Variants in CLASP1 observed in about 807,000 individuals in gnomAD.
The protein encoded by CLASP1 is CLIP-associating protein 1.
Under a neutral mutation model 192.3 loss-of-function variants are expected in CLASP1, and 38 were observed. The observed-to-expected ratio is 0.20, with a 90% CI of 0.15 to 0.26. The LOEUF (loss-of-function observed/expected upper bound fraction) is 0.26, where lower values mean the gene tolerates loss of function less well. Among genes scored for constraint, CLASP1 ranks in the 10% least tolerant of loss-of-function variants. The pLI is 1.00. For missense variants in CLASP1, 1,433 were observed against 1,932.5 expected (o/e 0.74, Z 4.85); for synonymous variants, 691 against 712.8 (o/e 0.97, Z 0.49).
intron 1 of CLASP1, among the ~76,000 whole-genome samples, chr2:121,641,358 C>A (rs1462598485): frequency 6.6e-6 from 1 of 151,296 alleles, no homozygotes; most frequent in Non-Finnish European, 1.5e-5. Flanking sequence ...ACAGGTATCG[C>A]CCACACCCAC....
At chr2:121,483,544 A>G (rs2092767051) in intron 8 of CLASP1, among the ~76,000 whole-genome samples, 1 of 151,296 alleles carries the variant, frequency 6.6e-6, no homozygotes, top group Non-Finnish European at 1.5e-5. Flanking sequence ...ATGTATGTAT[A>G]TATGTGTGTG....
intron 7 of CLASP1, among the ~76,000 whole-genome samples, chr2:121,507,696 C>A (rs2093984926): frequency 1.3e-5 from 2 of 152,086 alleles, no homozygotes; most frequent in South Asian, 4.1e-4. Flanking sequence ...ACAGGATAAA[C>A]TTAAAGAGAT....
At chr2:121,399,616 CA>C (rs766332037) in intron 28 of CLASP1, among the ~76,000 whole-genome samples, 2 of 152,198 alleles carry the variant, frequency 1.3e-5, no homozygotes, top group Non-Finnish European at 2.9e-5. Context: ...TCAGCTTAAA[CA>C]GCTGTGCATC....
chr2:121,513,337 G>A lies in CLASP1; in HGVS notation c.644+2328C>T, dbSNP rs142671229. Among the ~76,000 whole-genome samples, 496 of 152,320 alleles carry A rather than the reference G, an allele frequency of 3.3e-3. 3 individuals carry two copies. The highest frequency in any genetic ancestry group is 0.011 in the African/African-American group (466 of 41,564). On this transcript the variant is annotated intron_variant, in intron 7 of 39. Transcript: ENST00000263710. ...CCCTAAGAATACCCTCTCCGTTTTG[G>A]AGAATTTGTAGGAGGATTTTAGGTA... is the stretch of plus-strand genomic sequence containing the variant.
At chr2:121,607,039 G>A (rs1480432365) in intron 1 of CLASP1, among the ~76,000 whole-genome samples, 2 of 151,962 alleles carry the variant, frequency 1.3e-5, no homozygotes, top group African/African-American at 4.8e-5. Context: ...CTGGGCGACA[G>A]AGTGCAACTC....
chr2:121,533,475 G>A (rs1559545426), intron 2 of CLASP1, among the ~76,000 whole-genome samples: 1 of 152,208 alleles, frequency 6.6e-6, no homozygotes, highest in Non-Finnish European at 1.5e-5. Flanking sequence ...GTTAAATAAA[G>A]TGTGTATGTA....
At chr2:121,470,529 T>C in intron 8 of CLASP1, 2 of 370,492 alleles carry the variant, frequency 5.4e-6, no homozygotes, top group South Asian at 4.1e-5. Context: ...ACCATTTTAA[T>C]AATTGTATGG....
intron 2 of CLASP1, among the ~76,000 whole-genome samples, chr2:121,546,601 C>T (rs985426439): frequency 1.6e-4 from 25 of 152,036 alleles, no homozygotes. Context: ...GACCTTTTTA[C>T]AACCCTCGGG....
At chr2:121,498,197 G>GTTTTTTTTT (rs2093609608) in intron 8 of CLASP1, among the ~76,000 whole-genome samples, 28 of 114,516 alleles carry the variant, frequency 2.4e-4, no homozygotes, top group African/African-American at 6.9e-4. Flanking sequence ...ATAGGTAATA[G>GTTTTTTTTT]TTTCTTTTTT....
intron 30 of CLASP1, among the ~76,000 whole-genome samples, chr2:121,396,204 A>AT (rs1485966562): frequency 3.3e-5 from 5 of 152,190 alleles, no homozygotes; most frequent in Non-Finnish European, 7.4e-5. Context: ...GAACCTGGGT[A>AT]TAAGTTAGGT....
intron 5 of CLASP1, among the ~76,000 whole-genome samples, chr2:121,527,397 T>A (rs975703955): frequency 6.6e-6 from 1 of 152,172 alleles, no homozygotes; most frequent in Non-Finnish European, 1.5e-5. Flanking sequence ...ATTGTATAAT[T>A]CCATTTACAT....
At chr2:121,556,428 C>T (rs2058577038) in intron 2 of CLASP1, among the ~76,000 whole-genome samples, 1 of 152,142 alleles carries the variant, frequency 6.6e-6, no homozygotes, top group African/African-American at 2.4e-5. Flanking sequence ...CCTCTCTGAG[C>T]TTATCTAGTG....
rs141733885 is a variant in CLASP1 at position 121,436,495 on chromosome 2, C to A, written c.1913-6318G>T. On this transcript the variant is annotated intron_variant, in intron 19 of 39. Coordinates refer to ENST00000263710, the Ensembl canonical transcript of CLASP1. ...GTGTGATCTCGGTTCACTGCAATTT[C>A]CACCTCCCAGGTTCAAGCATTTCTC... 1.8e-3 allele frequency among the ~76,000 whole-genome samples: 279 copies of A among 150,950 alleles called. 2 individuals are homozygous for A. The highest frequency in any genetic ancestry group is 5.7e-3 in the African/African-American group (236 of 41,078).
intron 9 of CLASP1, among the ~76,000 whole-genome samples, chr2:121,467,404 GAATT>G (rs2089826742): frequency 6.6e-6 from 1 of 152,164 alleles, no homozygotes; most frequent in Admixed American, 6.5e-5. Context: ...CACAGTGGTT[GAATT>G]AATTTACACT....
intron 2 of CLASP1, among the ~76,000 whole-genome samples, chr2:121,537,403 AAAAG>A (rs1284743248): frequency 1.3e-5 from 2 of 151,716 alleles, no homozygotes; most frequent in South Asian, 2.1e-4. Context: ...AAGAAAAAAA[AAAAG>A]AGAGAGAGAG....
At chr2:121,516,724 C>T (rs533193729) in intron 6 of CLASP1, among the ~76,000 whole-genome samples, 1 of 152,274 alleles carries the variant, frequency 6.6e-6, no homozygotes, top group South Asian at 2.1e-4. Context: ...ACTGATATGT[C>T]TAGGGTTAAA....
chr2:121,633,651 T>C (rs774072222), intron 1 of CLASP1, among the ~76,000 whole-genome samples: 4 of 152,060 alleles, frequency 2.6e-5, no homozygotes, highest in Non-Finnish European at 5.9e-5. Context: ...CAAAAGTCAA[T>C]CTCCTTGTCT....
chr2:121,530,559 T>G (rs1575701857), intron 2 of CLASP1: 1 of 548,474 alleles, frequency 1.8e-6, no homozygotes, highest in East Asian at 2.9e-5. Flanking sequence ...TAAAAGGCAA[T>G]ACAGCGTAGC....
intron 37 of CLASP1, among the ~76,000 whole-genome samples, chr2:121,354,082 C>T (rs1027366790): frequency 2.0e-5 from 3 of 152,160 alleles, no homozygotes; most frequent in Non-Finnish European, 1.5e-5. Context: ...CCCAGGCCAG[C>T]GTACATATTT....
Sources: allele counts gnomAD v4.1 joint callset (sites outside exome capture counted in the v4.1 genomes callset), GRCh38; gene constraint gnomAD v4.1.1; transcripts MANE v1.5; gene names NCBI Gene and HGNC (gene_info 2026-07-23, HGNC 2026-07-21).